The following ENG variants were observed in gnomAD, a reference collection of about 807,000 sequenced individuals.
ENG encodes the protein CD105 antigen.
Under a neutral mutation model 71.0 loss-of-function variants are expected in ENG, and 17 were observed. The ratio of observed to expected loss-of-function variants is 0.24; its 90% CI spans 0.16 to 0.36. ENG has a LOEUF of 0.36. ENG is among the 10% of genes least tolerant of loss of function. The pLI is 1.00. For missense variants in ENG, 749 were observed against 868.3 expected (o/e 0.86, Z 1.73); for synonymous variants, 360 against 366.9 (o/e 0.98, Z 0.21).
At position 127,818,156 on chromosome 9, in the gene ENG, C is replaced by T. The variant is rs1425275422; in HGVS notation, c.1650G>A (p.Thr550=). ...PIPKTGTLSC[T]VALRPKTGSQ... The stretch of plus-strand genomic sequence containing the variant: ...ACCCGGTCTTGGGACGCAGGGCTAC[C>T]GTGCAGCTGAGGGTGCCGGTTTTGG... Residue 550 remains threonine (T), a synonymous_variant, in exon 12 of 15, where the codon ACG becomes ACA. Coordinates refer to ENST00000373203, the MANE Select transcript of ENG (RefSeq NM_001114753.3). 20 of 1,614,236 alleles carry T rather than the reference C, an allele frequency of 1.2e-5. No individual in the cohort carries two copies. Among genetic ancestry groups the T allele is most frequent in the Middle Eastern group, 3.3e-4 (2 of 6,062 alleles).
intron 1 of ENG, among the ~76,000 whole-genome samples, chr9:127,845,206 G>A (rs1831140919): frequency 6.6e-6 from 1 of 152,224 alleles, no homozygotes; most frequent in South Asian, 2.1e-4. Context: ...GTCCAGCCAA[G>A]GCCGGCTCAG....
chr9:127,823,238 C>A (rs12115267), intron 8 of ENG, among the ~76,000 whole-genome samples: 254 of 152,076 alleles, frequency 1.7e-3, no homozygotes, highest in African/African-American at 5.9e-3. Flanking sequence ...CTCCGCCTCC[C>A]GGGTTCAGGC....
intron 1 of ENG, among the ~76,000 whole-genome samples, chr9:127,845,184 G>T (rs2131922927): frequency 6.6e-6 from 1 of 152,330 alleles, no homozygotes; most frequent in Middle Eastern, 3.4e-3. Context: ...GGCGCGGAGA[G>T]ACTGGCTTCA....
At chr9:127,841,447 G>T (rs1223168385) in intron 2 of ENG, among the ~76,000 whole-genome samples, 4 of 151,474 alleles carry the variant, frequency 2.6e-5, no homozygotes, top group Non-Finnish European at 5.9e-5. Context: ...CAAACAATGC[G>T]AACTAACAGA....
Position 127,824,816 on chromosome 9 carries a change from A to C in ENG, c.975T>G (p.Leu325=), listed in dbSNP as rs776872127. ...GGTGCTCACCGCAGCTGGAGGCATG[A>C]AGTGAGACAATGCTGGCCAGCGGTA... ...VELPLASIVS[L]HASSCGGRLQ... Residue 325 remains leucine, a synonymous_variant, in exon 7 of 15, where the codon CTT becomes CTG. Coordinates refer to ENST00000373203, the MANE Select transcript of ENG (RefSeq NM_001114753.3). 5.7e-6 allele frequency: 9 copies of C among 1,577,124 alleles called. No individual in the cohort carries two copies. The East Asian group carries it at 1.8e-4, about 31-fold the overall frequency.
At chr9:127,816,989 A>G in intron 13 of ENG, 160 bp downstream of exon 13, 1 of 806,080 alleles carries the variant, frequency 1.2e-6, no homozygotes, top group Non-Finnish European at 2.1e-6. Flanking sequence ...CTAGGCTGCT[A>G]TGGCTCTGGG....
intron 2 of ENG, 51 bp from the exon 3 acceptor site, chr9:127,829,878 T>C: frequency 6.2e-7 from 1 of 1,611,616 alleles, no homozygotes; most frequent in Non-Finnish European, 8.5e-7. Flanking sequence ...TTTGTATAGG[T>C]TGTGCCACCC....
At chr9:127,830,398 T>A (rs1426592231) in intron 2 of ENG, among the ~76,000 whole-genome samples, 1 of 142,964 alleles carries the variant, frequency 7.0e-6, no homozygotes, top group African/African-American at 2.6e-5. Flanking sequence ...ATCCCAGCAC[T>A]CTGGGAGGCT....
rs1830274252 is a variant in ENG, at chr9:127,815,180, G to C, written c.*502C>G. On this transcript the variant is annotated 3_prime_UTR_variant, in exon 15 of 15. Coordinates refer to ENST00000373203, the MANE Select transcript of ENG (RefSeq NM_001114753.3). Reference sequence around the variant, plus strand: ...GTTCTTGCCACCCTCTGGGCTCCCAGGCTGGGCTCCGCTAGGCTCCTGTCT... The same window carrying C: ...GTTCTTGCCACCCTCTGGGCTCCCACGCTGGGCTCCGCTAGGCTCCTGTCT... 1 of 155,484 alleles carries C rather than the reference G, an allele frequency of 6.4e-6. No homozygotes were observed. The highest frequency in any genetic ancestry group is 2.0e-4 in the South Asian group (1 of 4,998). The allele number at this position is 155,484 out of a possible 1,614,324, so 9.6% of individuals were successfully genotyped here. A position where few individuals can be genotyped will look rare whatever the true frequency, so the allele number is the denominator to read the frequency against.
chr9:127,816,402 TCAACCCTGC>T (rs1354111791), intron 13 of ENG: 1 of 408,394 alleles, frequency 2.4e-6, no homozygotes, highest in African/African-American at 2.0e-5. Flanking sequence ...TGACCTTGGG[TCAACCCTGC>T]CCCTCTCTGA....
chr9:127,828,213 G>A (rs186302093), intron 3 of ENG, among the ~76,000 whole-genome samples: 2 of 152,214 alleles, frequency 1.3e-5, no homozygotes, highest in African/African-American at 4.8e-5. Context: ...ATTCAACAAG[G>A]GGGCAAAGTG....
rs758252623 is a variant in ENG at position 127,825,254 on chromosome 9, C to T, written c.793G>A (p.Ala265Thr). The T allele has an allele frequency of 1.9e-6, 3 of 1,612,578 alleles. No homozygotes were observed. The highest frequency in any genetic ancestry group is 4.5e-5 in the East Asian group (2 of 44,792). ...ACCCAGATCTGCATGTTGTGGTTGG[C>T]GTCGATGAGCCAGGACACGTAGGGG... ...GPPYVSWLID[A>T]NHNMQIWTTG... The change falls in exon 6 of 15, where the codon GCC (alanine) becomes ACC (threonine). Residue 265 changes from alanine (A) to threonine (T), a missense_variant. Transcript: ENST00000373203.
intron 2 of ENG, among the ~76,000 whole-genome samples, chr9:127,831,953 C>T (rs1228841454): frequency 6.6e-6 from 1 of 151,698 alleles, no homozygotes; most frequent in Admixed American, 6.6e-5. Flanking sequence ...CTCTCTTTTC[C>T]AGGCTAGAGT....
At chr9:127,825,984 C>A (rs887037773) in intron 4 of ENG, 124 bp from the exon 5 acceptor site, 2 of 1,294,900 alleles carry the variant, frequency 1.5e-6, no homozygotes, top group South Asian at 2.6e-5. Flanking sequence ...GGGGGAGAGG[C>A]GTCAGAGGAC....
intron 8 of ENG, among the ~76,000 whole-genome samples, chr9:127,820,848 A>T (rs1422940589): frequency 6.6e-6 from 1 of 151,592 alleles, no homozygotes; most frequent in African/African-American, 2.4e-5. Flanking sequence ...AAATATATAT[A>T]TATATATTCC....
chr9:127,839,548 C>CT (rs1260361434), intron 2 of ENG, among the ~76,000 whole-genome samples: 6 of 152,070 alleles, frequency 3.9e-5, no homozygotes, highest in East Asian at 3.9e-4. Flanking sequence ...CCCCATTAAT[C>CT]TTTTTTTTGT....
At chr9:127,852,272 G>A (rs1266790171) in intron 1 of ENG, among the ~76,000 whole-genome samples, 1 of 152,206 alleles carries the variant, frequency 6.6e-6, no homozygotes. Context: ...TGATTTGTGA[G>A]GGTATCAAGT....
Position 127,825,810 on chromosome 9 carries a change from G to C in ENG, c.574C>G (p.Arg192Gly), listed in dbSNP as rs537215880. Residue 192 changes from arginine (R) to glycine (G), a missense_variant, in exon 5 of 15, where the codon CGC (arginine) becomes GGC (glycine). Physicochemically the swap from Arg to Gly is moderately radical, Grantham distance 125. Coordinates refer to ENST00000373203, the MANE Select transcript of ENG (RefSeq NM_001114753.3). ...CMLEASQDMG[R>G]TLEWRPRTPA... ...GTACGCGGCCGCCACTCGAGCGTGCGGCCCATGTCCTGGCTGGCTTCCAGC... is the reference window on the plus strand; with the variant it reads ...GTACGCGGCCGCCACTCGAGCGTGCCGCCCATGTCCTGGCTGGCTTCCAGC... 103 of 1,597,650 alleles carry C rather than the reference G, an allele frequency of 6.4e-5. 1 individual carries two copies. In the South Asian group the frequency reaches 1.1e-3, roughly 16 times the overall value.
At chr9:127,815,880 C>G (rs1331063370) in intron 14 of ENG, 63 bp downstream of exon 14, 1 of 1,563,458 alleles carries the variant, frequency 6.4e-7, no homozygotes. Context: ...AGAGGCTTCA[C>G]TGGGCTCCCC....
Sources: allele counts gnomAD v4.1 joint callset (sites outside exome capture counted in the v4.1 genomes callset), GRCh38; gene constraint gnomAD v4.1.1; transcripts MANE v1.5; gene names NCBI Gene and HGNC (gene_info 2026-07-23, HGNC 2026-07-21).